ALS2: variants seen among roughly 807,000 people sequenced by gnomAD.
ALS2 encodes alsin Rho guanine nucleotide exchange factor ALS2, also known as alsin.
A neutral mutation model predicts 203.4 loss-of-function variants in ALS2; 117 were observed. That is an observed-to-expected ratio of 0.58 (90% CI 0.50 to 0.67). The LOEUF (loss-of-function observed/expected upper bound fraction) is 0.67. Among genes scored for constraint, ALS2 ranks in the 30% least tolerant of loss-of-function variants. ALS2 has a pLI of 0.00. For missense variants in ALS2, 1,715 were observed against 1,989.4 expected, an observed-to-expected ratio of 0.86 and a Z score of 2.62; for synonymous variants, 718 against 725.9, an observed-to-expected ratio of 0.99 and a Z score of 0.17.
chr2:201,766,276 T>C (rs1694071249), intron 3 of ALS2, among the ~76,000 whole-genome samples: 1 of 152,206 alleles, frequency 6.6e-6, no homozygotes, highest in South Asian at 2.1e-4. Context: ...TAGTTAATAG[T>C]ATATTTTAAA....
chr2:201,747,252 A>G (rs1194919023), intron 8 of ALS2, among the ~76,000 whole-genome samples: 1 of 152,170 alleles, frequency 6.6e-6, no homozygotes. Context: ...TACCAGTCCT[A>G]CGTGACTTTA....
intron 1 of ALS2, 114 bp downstream of exon 1, chr2:201,780,763 G>A (rs373219253): frequency 6.5e-6 from 1 of 152,916 alleles, no homozygotes; most frequent in African/African-American, 2.4e-5. Flanking sequence ...GGCGCTCTCC[G>A]GCCTCGACCA....
At position 201,754,681 on chromosome 2, in the gene ALS2, A is replaced by C. The variant is rs376714642; in HGVS notation, c.1472-10T>G. 2.6e-5 allele frequency: 42 copies of C among 1,613,984 alleles called. No individual in the cohort carries two copies. The highest frequency in any genetic ancestry group is 3.5e-5 in the Non-Finnish European group (41 of 1,179,988). The stretch of plus-strand genomic sequence containing the variant: ...AAGAGCCTGGGGGAAACTGAAAACC[A>C]ACCAGACGTGGGGTGAAGGAGTGGG... On this transcript the variant is annotated splice_polypyrimidine_tract_variant and intron_variant, in intron 5 of 33. Transcript: ENST00000264276.
In ALS2 at chr2:201,749,757, T is replaced by C; in HGVS notation, c.1770A>G (p.Gln590=). ...TTGTTGGAAAATCGGAATGCCCAAGTTGACCAAAGGTATTGCTACCCCATG... is the reference window on the plus strand; with the variant it reads ...TTGTTGGAAAATCGGAATGCCCAAGCTGACCAAAGGTATTGCTACCCCATG... The part of the protein sequence containing the change: ...VYSWGSNTFG[Q]LGHSDFPTTV... The change falls in exon 8 of 34, where the codon CAA becomes CAG. Residue 590 remains glutamine, a synonymous_variant. Coordinates refer to ENST00000264276, the MANE Select transcript of ALS2 (RefSeq NM_020919.4). The C allele has an allele frequency of 1.2e-6, 2 of 1,614,132 alleles. No individual in the cohort carries two copies. The highest frequency in any genetic ancestry group is 1.3e-5 in the African/African-American group (1 of 75,052).
At chr2:201,780,351 C>G (rs1037762993) in intron 1 of ALS2, among the ~76,000 whole-genome samples, 1 of 152,168 alleles carries the variant, frequency 6.6e-6, no homozygotes, top group African/African-American at 2.4e-5. Flanking sequence ...TTCTTATTAT[C>G]AAAGCTATTT....
At chr2:201,753,723 T>C (rs1294498116) in intron 6 of ALS2, among the ~76,000 whole-genome samples, 2 of 152,230 alleles carry the variant, frequency 1.3e-5, no homozygotes, top group Non-Finnish European at 2.9e-5. Flanking sequence ...TACCCTAATA[T>C]ATGTGAATAG....
chr2:201,718,164 C>G lies in ALS2; in HGVS notation c.3749G>C (p.Ser1250Thr). The G allele has an allele frequency of 6.2e-7, 1 of 1,613,578 alleles. No individual in the cohort carries two copies. Among genetic ancestry groups the G allele is most frequent in the Non-Finnish European group, 8.5e-7 (1 of 1,179,536 alleles). ...TTTTATCCCAGATCCCCATTCTCCA[C>G]TAAAATAACCTTCAATGTAGTCTCC... is the stretch of plus-strand genomic sequence containing the variant. ...PNGDYIEGYF[S>T]GEWGSGIKIT... is the part of the protein sequence containing the mutation. Residue 1250 changes from serine (S) to threonine (T), a missense_variant, in exon 24 of 34, where the codon AGT (serine) becomes ACT (threonine). Around this residue, in one of 3 missense-constraint regions of ALS2, gnomAD observed 1,227 missense variants for 1,413.5 expected, o/e 0.87. Transcript: ENST00000264276.
intron 15 of ALS2, among the ~76,000 whole-genome samples, 162 bp downstream of exon 15, chr2:201,728,350 G>A (rs1290216727): frequency 6.6e-6 from 1 of 152,094 alleles, no homozygotes. Context: ...GCAGTGTTTG[G>A]TTTTTTGTCC....
intron 16 of ALS2, 25 bp from the exon 17 acceptor site, chr2:201,727,303 C>T (rs1371150840): frequency 6.3e-7 from 1 of 1,583,552 alleles, no homozygotes; most frequent in Non-Finnish European, 8.7e-7. Context: ...AGGATAAATA[C>T]CAGGACATTT....
intron 23 of ALS2, 144 bp from the exon 24 acceptor site, chr2:201,718,354 G>T: frequency 2.2e-6 from 2 of 898,202 alleles, no homozygotes; most frequent in Non-Finnish European, 3.5e-6. Context: ...CCGCTTCCTG[G>T]GTTAAAGTGA....
In ALS2 at chr2:201,718,116, G is replaced by C. The variant is rs748469205; in HGVS notation, c.3797C>G (p.Pro1266Arg). Reference protein sequence around the residue: ...GIKITGTYFKPSLYESDKDRP... With the variant: ...GIKITGTYFKRSLYESDKDRP... ...GTCTTTATCACTCTCATATAGACTA[G>C]GTTTGAAGTAGGTTCCAGTGATTTT... is the stretch of plus-strand genomic sequence containing the variant. The change falls in exon 24 of 34, where the codon CCT becomes CGT. Residue 1266 changes from proline to arginine, a missense_variant. Physicochemically the swap from Pro to Arg is moderately radical, Grantham distance 103. Around this residue, in one of 3 missense-constraint regions of ALS2, gnomAD observed 1,227 missense variants for 1,413.5 expected, o/e 0.87. Transcript: ENST00000264276. 9 of 1,613,416 alleles carry C rather than the reference G, an allele frequency of 5.6e-6. No homozygotes were observed. Among genetic ancestry groups the C allele is most frequent in the Non-Finnish European group, 6.8e-6 (8 of 1,179,562 alleles).
chr2:201,708,098 A>C (rs1174873437), intron 27 of ALS2, 107 bp from the exon 28 acceptor site: 2 of 1,024,644 alleles, frequency 2.0e-6, no homozygotes, highest in Non-Finnish European at 2.9e-6. Flanking sequence ...TTATCAACTA[A>C]GTATTTTAGT....
intron 6 of ALS2, 75 bp from the exon 7 acceptor site, chr2:201,753,317 G>A: frequency 8.5e-7 from 1 of 1,178,576 alleles, no homozygotes; most frequent in African/African-American, 1.5e-5. Context: ...AAATTATAAA[G>A]TGCTGTCGTG....
At chr2:201,744,164 AC>A (rs1692474996) in intron 10 of ALS2, 93 bp downstream of exon 10, 2 of 1,378,860 alleles carry the variant, frequency 1.5e-6, no homozygotes, top group African/African-American at 2.9e-5. Context: ...CAAGAAGTAA[AC>A]CATAAACTAA....
At chr2:201,728,734 G>A in intron 14 of ALS2, 94 bp from the exon 15 acceptor site, 2 of 1,456,672 alleles carry the variant, frequency 1.4e-6, no homozygotes, top group South Asian at 2.5e-5. Flanking sequence ...ACATTTAAGG[G>A]AATTTGCTGG....
intron 5 of ALS2, 149 bp from the exon 6 acceptor site, chr2:201,754,820 C>G: frequency 1.2e-6 from 1 of 819,636 alleles, no homozygotes; most frequent in Non-Finnish European, 1.9e-6. Context: ...AAAAGGGGAC[C>G]TGTTAGTCAA....
intron 11 of ALS2, among the ~76,000 whole-genome samples, chr2:201,740,123 G>A (rs1371920802): frequency 6.6e-6 from 1 of 151,850 alleles, no homozygotes; most frequent in African/African-American, 2.4e-5. Flanking sequence ...CCAGGAGTTT[G>A]AGACCAGCCT....
chr2:201,767,141 G>C, intron 3 of ALS2, 88 bp downstream of exon 3: 1 of 1,488,704 alleles, frequency 6.7e-7, no homozygotes, highest in Non-Finnish European at 9.3e-7. Context: ...AGAACCCCTA[G>C]TATCCAATGA....
chr2:201,732,967 T>A (rs1212671277), intron 13 of ALS2, among the ~76,000 whole-genome samples: 1 of 152,204 alleles, frequency 6.6e-6, no homozygotes, highest in Non-Finnish European at 1.5e-5. Flanking sequence ...ATAGTCAGCA[T>A]GCATCCAATA....
Sources: gnomAD v4.1 joint callset for allele counts (sites outside exome capture counted in the v4.1 genomes callset) on GRCh38, gnomAD v4.1.1 for gene constraint, gnomAD v4.1.1 regional missense constraint, MANE v1.5 for transcripts, NCBI Gene and HGNC (gene_info 2026-07-23, HGNC 2026-07-21) for gene names.